Variants in LDB1 observed in about 807,000 individuals in gnomAD.
LDB1 encodes the protein LIM domain binding 1, also known as LIM domain-binding protein 1.
In LDB1, 6 loss-of-function variants were observed where a neutral mutation model predicts 49.7. That is an observed-to-expected ratio of 0.12 (90% confidence interval 0.07 to 0.24). The LOEUF (loss-of-function observed/expected upper bound fraction) is 0.24. Ranked by LOEUF, LDB1 falls within the 10% of genes least tolerant of loss-of-function variation. The probability of loss-of-function intolerance (pLI) is 1.00; values close to 1 mark genes in which losing one functional copy is unlikely to be tolerated. For missense variants in LDB1, 341 were observed against 561.7 expected, an observed-to-expected ratio of 0.61 and a Z score of 3.97; for synonymous variants, 233 against 202.0, an observed-to-expected ratio of 1.15 and a Z score of -1.30.
rs1241003018 is a variant in LDB1 at position 102,109,256 on chromosome 10, G to C, written c.857-79C>G. On this transcript the variant is annotated intron_variant, in intron 9 of 10. Transcript: ENST00000673968. The surrounding 1 kb of genome is among the most constrained non-coding windows in gnomAD (Gnocchi z 5.8). ...CCATTGTGGCTCCCAAGGAGCATGA[G>C]CCTGCCCTGATCCCAATTTTGTAGA... 6.2e-7 allele frequency: 1 copy of C among 1,606,372 alleles called. No homozygotes were observed. Among genetic ancestry groups the C allele is most frequent in the African/African-American group, 1.3e-5 (1 of 74,576 alleles).
rs940378953 is a variant in LDB1, at chr10:102,111,637, G to A, written c.26-101C>T. 25 of 656,746 alleles carry A rather than the reference G, an allele frequency of 3.8e-5. No individual in the cohort carries two copies. The African/African-American group carries it at 4.2e-4, about 11-fold the overall frequency. The allele number at this position is 656,746 out of a possible 1,614,324, so 40.7% of individuals were successfully genotyped here. ...CAAGAAGATTGATTGAGCACAGGAGGTCGAGGCTGCAGGGACCAGCCTAGG... is the reference window on the plus strand; with the variant it reads ...CAAGAAGATTGATTGAGCACAGGAGATCGAGGCTGCAGGGACCAGCCTAGG... On this transcript the variant is annotated intron_variant, in intron 1 of 10. Transcript: ENST00000673968.
In LDB1 at chr10:102,109,514, G is replaced by A. The variant is rs1166692008; in HGVS notation, c.733-7C>T. 2 of 1,614,042 alleles carry A rather than the reference G, an allele frequency of 1.2e-6. No individual in the cohort carries two copies. Among genetic ancestry groups the A allele is most frequent in the Non-Finnish European group, 1.7e-6 (2 of 1,180,030 alleles). On this transcript the variant is annotated splice_polypyrimidine_tract_variant and splice_region_variant and intron_variant, in intron 8 of 10. Transcript: ENST00000673968. This position sits in a 1 kb window ranked among gnomAD's most constrained non-coding sequence, Gnocchi z 5.8. Reference sequence around the variant, plus strand: ...GCTCGAGTATCACACAGAGCTAGGGGTAGACAAGGAGGTGGCTTGTCAGGG... The same window carrying A: ...GCTCGAGTATCACACAGAGCTAGGGATAGACAAGGAGGTGGCTTGTCAGGG...
intron 1 of LDB1, chr10:102,114,812 G>GGGGGCCCCCCCCCCCCCCCCC: frequency 1.1e-4 from 105 of 929,796 alleles, no homozygotes; most frequent in Non-Finnish European, 1.2e-4. Flanking sequence ...CCTCCGAGCA[G>GGGGGCCCCCCCCCCCCCCCCC]CCCGCCCGCC....
intron 1 of LDB1, among the ~76,000 whole-genome samples, chr10:102,113,771 A>C (rs945155580): frequency 7.9e-5 from 12 of 152,098 alleles, no homozygotes; most frequent in Admixed American, 4.6e-4. Flanking sequence ...AAAAAAAAAA[A>C]AAAAAAACTC....
rs1356629147 is a variant in LDB1 at position 102,118,972 on chromosome 10, C to A, written c.25+1114G>T. Among the ~76,000 whole-genome samples the A allele has an allele frequency of 2.6e-5, 4 of 152,310 alleles. No individual in the cohort carries two copies. In the East Asian group the frequency reaches 7.7e-4, roughly 29 times the overall value. On this transcript the variant is annotated intron_variant, in intron 1 of 10. Transcript: ENST00000673968. ...GGGACCCATGCCCCTTAGACATCAG[C>A]CTCAGCAGGCACCTGAAGTGTGTGC...
Position 102,114,524 on chromosome 10 carries a change from C to T in LDB1, c.26-2988G>A, listed in dbSNP as rs375536768. Reference sequence around the variant, plus strand: ...TCAGCAGCTCATGTCCCGAGTGGGACGGGCAGGCCCGACTGGGAGCTCCAG... The same window carrying T: ...TCAGCAGCTCATGTCCCGAGTGGGATGGGCAGGCCCGACTGGGAGCTCCAG... On this transcript the variant is annotated intron_variant, in intron 1 of 10. Transcript: ENST00000673968. The T allele has an allele frequency of 8.1e-6, 8 of 985,996 alleles. No individual in the cohort carries two copies. In the South Asian group the frequency reaches 2.8e-4, roughly 35 times the overall value. 61.1% of individuals were successfully genotyped at this position (985,996 alleles called of 1,614,324 possible).
rs762280527 is a variant in LDB1 at position 102,110,939 on chromosome 10, C to T, written c.282G>A (p.Thr94=). The T allele has an allele frequency of 3.7e-6, 6 of 1,613,994 alleles. No homozygotes were observed. The highest frequency in any genetic ancestry group is 1.3e-5 in the African/African-American group (1 of 74,910). The change falls in exon 5 of 11, where the codon ACG becomes ACA. Residue 94 remains threonine (T), a synonymous_variant. Coordinates refer to ENST00000673968, the MANE Select transcript of LDB1 (RefSeq NM_001113407.3). ...TGGCATCATCCTCAAAGAACTCAGT[C>T]GTGAATGCATCCCACCAGAGATTGT... ...ECDNLWWDAF[T]TEFFEDDAML...
In LDB1 at chr10:102,109,882, G is replaced by A; in HGVS notation, c.648+39C>T. 1 of 1,596,584 alleles carries A rather than the reference G, an allele frequency of 6.3e-7. No individual in the cohort carries two copies. Among genetic ancestry groups the A allele is most frequent in the Non-Finnish European group, 8.5e-7 (1 of 1,171,602 alleles). ...ACCTTGTTCCACCCTTCCCCCGCCT[G>A]CCTTCACTCTTGCATCCTGGGTCCT... On this transcript the variant is annotated intron_variant, in intron 7 of 10. Coordinates refer to ENST00000673968, the MANE Select transcript of LDB1 (RefSeq NM_001113407.3). The surrounding 1 kb of genome is among the most constrained non-coding windows in gnomAD (Gnocchi z 5.8).
rs898836319 is a variant in LDB1 at position 102,120,183 on chromosome 10, A to AGCCGCC, written c.-79_-74dup. 8.8e-7 allele frequency: 1 copy of AGCCGCC among 1,142,246 alleles called. No homozygotes were observed. The highest frequency in any genetic ancestry group is 1.1e-6 in the Non-Finnish European group (1 of 928,940). 70.8% of individuals were successfully genotyped at this position (1,142,246 alleles called of 1,614,324 possible). A position where few individuals can be genotyped will look rare whatever the true frequency, so the allele number is the denominator to read the frequency against. On this transcript the variant is annotated 5_prime_UTR_variant, in exon 1 of 11. Transcript: ENST00000673968. ...CCCTCGCGGGGACAGGCCGGGCATG[A>AGCCGCC]GCCGCCGCCGCCGCCCGCGGCCCCC... is the stretch of plus-strand genomic sequence containing the variant.
chr10:102,104,095 C>T (rs2068137470), downstream of LDB1, among the ~76,000 whole-genome samples: 1 of 150,646 alleles, frequency 6.6e-6, no homozygotes, highest in Admixed American at 6.6e-5. Context: ...CTGGACTGGG[C>T]TAAGGGTATA....
At position 102,109,771 on chromosome 10, in the gene LDB1, TGAGA is replaced by T; in HGVS notation, c.649-92_649-89del. The T allele has an allele frequency of 1.3e-6, 2 of 1,543,012 alleles. No individual in the cohort carries two copies. Among genetic ancestry groups the T allele is most frequent in the South Asian group, 1.1e-5 (1 of 88,748 alleles). On this transcript the variant is annotated intron_variant, in intron 7 of 10. Transcript: ENST00000673968. The surrounding 1 kb of genome is among the most constrained non-coding windows in gnomAD (Gnocchi z 5.8). ...TATCATCTGAGCATTGTGACACTCC[TGAGA>T]GAGGATAGTCTCTTATTAAACCTGC...
chr10:102,105,633 C>T (rs563269374), downstream of LDB1, among the ~76,000 whole-genome samples: 2 of 151,944 alleles, frequency 1.3e-5, no homozygotes, highest in East Asian at 3.9e-4. Flanking sequence ...TAATCCCCCA[C>T]CCAGGGACCT....
rs757864333 is a variant in LDB1, at chr10:102,109,797, C to G, written c.649-114G>C. The G allele has an allele frequency of 7.7e-6, 12 of 1,551,938 alleles. No individual in the cohort carries two copies. Among genetic ancestry groups the G allele is most frequent in the African/African-American group, 1.4e-5 (1 of 73,708 alleles). ...GAGAGAGGATAGTCTCTTATTAAAC[C>G]TGCTGTTCAGATGAAGAAACCCTAA... On this transcript the variant is annotated intron_variant, in intron 7 of 10. Transcript: ENST00000673968. This position sits in a 1 kb window ranked among gnomAD's most constrained non-coding sequence, Gnocchi z 5.8.
chr10:102,114,308 G>A, intron 1 of LDB1: 10 of 984,640 alleles, frequency 1.0e-5, no homozygotes, highest in South Asian at 4.7e-5. Flanking sequence ...CGGCGGCTCT[G>A]GGCTGGGGCA....
downstream of LDB1, among the ~76,000 whole-genome samples, chr10:102,106,006 A>T (rs1270126078): frequency 1.3e-5 from 2 of 151,878 alleles, no homozygotes; most frequent in Non-Finnish European, 2.9e-5. Flanking sequence ...ACCAACCAAC[A>T]TCAGCCAGGC....
rs1052056725 is a variant in LDB1, at chr10:102,106,709, G to A, written c.*1384C>T. On this transcript the variant is annotated 3_prime_UTR_variant, in exon 11 of 11. Transcript: ENST00000673968. ...GGTGTGGGGGACCCCAGAATCCAGA[G>A]GGAAGAGTGGGGAGAGAGGTGGTGT... 2.0e-5 allele frequency among the ~76,000 whole-genome samples: 3 copies of A among 152,050 alleles called. No homozygotes were observed. The highest frequency in any genetic ancestry group is 4.4e-5 in the Non-Finnish European group (3 of 68,002).
chr10:102,110,095 A>T, intron 6 of LDB1, 52 bp from the exon 7 acceptor site: 1 of 1,569,724 alleles, frequency 6.4e-7, no homozygotes. Context: ...CCATACCTGA[A>T]GGTATGTCTA....
In LDB1 at chr10:102,117,089, C is replaced by T. The variant is rs926965160; in HGVS notation, c.25+2997G>A. Among the ~76,000 whole-genome samples, 1 of 152,166 alleles carries T rather than the reference C, an allele frequency of 6.6e-6. No homozygotes were observed. The highest frequency in any genetic ancestry group is 1.5e-5 in the Non-Finnish European group (1 of 68,032). On this transcript the variant is annotated intron_variant, in intron 1 of 10. Coordinates refer to ENST00000673968, the MANE Select transcript of LDB1 (RefSeq NM_001113407.3). This position sits in a 1 kb window ranked among gnomAD's most constrained non-coding sequence, Gnocchi z 4.2. The stretch of plus-strand genomic sequence containing the variant: ...GCCCTGCAGCCATTCCTACTCCCTT[C>T]CCCCTCCAGGCCTCAAATCACTGTC...
At position 102,119,298 on chromosome 10, in the gene LDB1, G is replaced by GCC. The variant is rs752751627; in HGVS notation, c.25+786_25+787dup. On this transcript the variant is annotated intron_variant, in intron 1 of 10. Coordinates refer to ENST00000673968, the MANE Select transcript of LDB1 (RefSeq NM_001113407.3). ...CCTGGCAGTGAGGTAGACGCCCTCC[G>GCC]CCCCCCCCACCTGCCCCCCAGGAAA... Among the ~76,000 whole-genome samples the GCC allele has an allele frequency of 6.5e-4, 85 of 131,404 alleles. 1 individual carries two copies. The highest frequency in any genetic ancestry group is 1.7e-3 in the South Asian group (7 of 4,022). 86.2% of individuals were successfully genotyped at this position (131,404 alleles called of 152,430 possible).
Sources: allele counts gnomAD v4.1 joint callset (sites outside exome capture counted in the v4.1 genomes callset), GRCh38; gene constraint gnomAD v4.1.1; non-coding constraint Gnocchi (gnomAD v3.1); transcripts MANE v1.5; gene names NCBI Gene and HGNC (gene_info 2026-07-23, HGNC 2026-07-21).